Variants in MID1 observed in about 807,000 individuals in gnomAD.
MID1 encodes midline 1.
MID1 carries 7 observed loss-of-function variants against 40.4 expected under a neutral mutation model. The observed-to-expected ratio is 0.17, with a 90% CI of 0.10 to 0.33. The LOEUF (loss-of-function observed/expected upper bound fraction) is 0.33. Among genes scored for constraint, MID1 ranks in the 10% least tolerant of loss-of-function variants. MID1 has a pLI of 1.00. For synonymous variants in MID1, 229 were observed against 221.2 expected (o/e 1.04, Z -0.31); for missense variants, 367 against 558.5 (o/e 0.66, Z 3.46).
rs754279780 is a variant in MID1, at chrX:10,566,940, C to T, written c.608G>A (p.Arg203Gln). Residue 203 changes from arginine (R) to glutamine (Q), a missense_variant, in exon 2 of 10, where the codon CGG (arginine) becomes CAG (glutamine). Physicochemically the swap from Arg to Gln is conservative, Grantham distance 43. This residue lies in a region of MID1 where 275 missense variants were observed against 383.1 expected (regional missense o/e 0.72). Transcript: ENST00000317552. ...LICALCKLVG[R>Q]HRDHQVAALS... ...AGCTGCCACCTGATGATCGCGGTGC[C>T]GCCCAACCAGTTTACACAAGGCACA... 9 of 1,211,707 alleles carry T rather than the reference C, an allele frequency of 7.4e-6. No homozygotes were observed. The Admixed American group carries it at 8.7e-5, about 12-fold the overall frequency.
chrX:10,661,636 T>TA (rs1351751207), intron 1 of MID1, among the ~76,000 whole-genome samples: 1 of 111,602 alleles, frequency 9.0e-6, no homozygotes, highest in South Asian at 3.8e-4. Context: ...TATTTCATAA[T>TA]AAAAAAAGTT....
chrX:10,695,721 C>T (rs2043158965), intron 1 of MID1, among the ~76,000 whole-genome samples: 1 of 111,955 alleles, frequency 8.9e-6, no homozygotes, highest in Non-Finnish European at 1.9e-5. Flanking sequence ...GCAGGAAGAA[C>T]CCATCAGGCA....
upstream of MID1, among the ~76,000 whole-genome samples, chrX:10,623,431 A>C (rs1443831645): frequency 9.0e-6 from 1 of 111,555 alleles, no homozygotes; most frequent in African/African-American, 3.3e-5. Flanking sequence ...ACATGTTTGC[A>C]AATATTAGCT....
intron 3 of MID1, among the ~76,000 whole-genome samples, chrX:10,497,129 A>C (rs1397446599): frequency 8.9e-6 from 1 of 112,216 alleles, no homozygotes; most frequent in East Asian, 2.8e-4. Context: ...TGACATATTT[A>C]CTTGAAACTT....
In MID1 at chrX:10,613,215, T is replaced by C. The variant is rs1306368026; in HGVS notation, c.-57+7075A>G. On this transcript the variant is annotated intron_variant, in intron 1 of 9. Coordinates refer to ENST00000317552, the MANE Select transcript of MID1 (RefSeq NM_000381.4). ...ACTCCAAAACTTGACATAGGACAGATACCACAGTCTACCGCATAGACCCTT... is the reference window on the plus strand; with the variant it reads ...ACTCCAAAACTTGACATAGGACAGACACCACAGTCTACCGCATAGACCCTT... Among the ~76,000 whole-genome samples, 3 of 111,685 alleles carry C rather than the reference T, an allele frequency of 2.7e-5. No individual in the cohort carries two copies. The Admixed American group carries it at 2.9e-4, about 11-fold the overall frequency.
intron 2 of MID1, chrX:10,565,606 C>T (rs1417139242): frequency 3.5e-6 from 1 of 282,438 alleles, no homozygotes; most frequent in African/African-American, 2.8e-5. Flanking sequence ...TATATATTTA[C>T]TTAGAGCTTT....
At chrX:10,572,106 T>A (rs1602421688) in intron 1 of MID1, among the ~76,000 whole-genome samples, 1 of 82,168 alleles carries the variant, frequency 1.2e-5, no homozygotes, top group Admixed American at 1.2e-4. Flanking sequence ...TTCTTTTCAC[T>A]CTCTCTCTCT....
At chrX:10,725,646 G>A (rs141913438) in intron 1 of MID1, among the ~76,000 whole-genome samples, 1,163 of 111,652 alleles carry the variant, frequency 0.01, 22 homozygotes, top group African/African-American at 0.036. Context: ...ATCACTTGAG[G>A]TTAGGAGTTT....
intron 6 of MID1, 118 bp downstream of exon 6, chrX:10,474,505 A>C: frequency 1.4e-6 from 1 of 720,391 alleles, no homozygotes; most frequent in Admixed American, 2.5e-5. Flanking sequence ...TGGAAATATC[A>C]GTGCCATTCC....
rs186917821 is a variant in MID1 at position 10,736,829 on chromosome X, T to C, written c.-187+96725A>G. Among the ~76,000 whole-genome samples the C allele has an allele frequency of 3.6e-5, 4 of 112,292 alleles. No individual in the cohort carries two copies. In the East Asian group the frequency reaches 1.1e-3, roughly 31 times the overall value. On this transcript the variant is annotated intron_variant, in intron 1 of 10. Coordinates refer to the MID1 transcript ENST00000380785. ...CAGTATCTTTAAATAAAATCAGAAA[T>C]GCTCAAATTCCTCATTTTTTATCCC...
chrX:10,603,446 C>T (rs1490007850), intron 1 of MID1, among the ~76,000 whole-genome samples: 3 of 112,165 alleles, frequency 2.7e-5, no homozygotes, highest in Non-Finnish European at 5.6e-5. Context: ...ATTAAGGTCA[C>T]TGTGTATTAG....
chrX:10,799,752 C>G (rs2043993087), intron 1 of MID1, among the ~76,000 whole-genome samples: 1 of 112,047 alleles, frequency 8.9e-6, no homozygotes. Flanking sequence ...GGGAGACCAA[C>G]AGGTACTTTT....
intron 1 of MID1, among the ~76,000 whole-genome samples, chrX:10,827,373 T>C (rs751165274): frequency 1.8e-5 from 2 of 109,979 alleles, no homozygotes; most frequent in African/African-American, 6.6e-5. Context: ...CCTTGCCTGT[T>C]AGGAGAAGAG....
intron 1 of MID1, among the ~76,000 whole-genome samples, chrX:10,715,386 C>G (rs768168910): frequency 8.9e-6 from 1 of 112,372 alleles, no homozygotes; most frequent in African/African-American, 3.2e-5. Flanking sequence ...AAACGGCACA[C>G]CAGGAGATTA....
In MID1 at chrX:10,566,602, T is replaced by C. The variant is rs144759466; in HGVS notation, c.660+286A>G. Among the ~76,000 whole-genome samples the C allele has an allele frequency of 6.4e-3, 690 of 107,083 alleles. 6 individuals carry two copies. The highest frequency in any genetic ancestry group is 0.023 in the African/African-American group (665 of 28,680). The allele number at this position is 107,083 out of a possible 115,157, so 93.0% of individuals were successfully genotyped here. The stretch of plus-strand genomic sequence containing the variant: ...GAGGCAGCACTCTCTTTGGAAGAAC[T>C]GTAAGGATTGAAAATGATCCAGAAA... On this transcript the variant is annotated intron_variant, in intron 2 of 9. Coordinates refer to ENST00000317552, the MANE Select transcript of MID1 (RefSeq NM_000381.4).
intron 2 of MID1, among the ~76,000 whole-genome samples, chrX:10,559,819 T>C (rs1290611422): frequency 9.0e-6 from 1 of 111,145 alleles, no homozygotes; most frequent in Non-Finnish European, 1.9e-5. Flanking sequence ...ATTACCTTAA[T>C]TAATTAAACA....
At chrX:10,822,941 A>T (rs1404610112) in intron 1 of MID1, among the ~76,000 whole-genome samples, 1 of 111,931 alleles carries the variant, frequency 8.9e-6, no homozygotes, top group Non-Finnish European at 1.9e-5. Context: ...AGAGGCAGAA[A>T]TACCATTTGA....
chrX:10,676,186 AAGATCCG>A (rs1265127959), intron 1 of MID1, among the ~76,000 whole-genome samples: 1 of 112,559 alleles, frequency 8.9e-6, no homozygotes, highest in African/African-American at 3.2e-5. Context: ...AAATGCTTTA[AAGATCCG>A]AGTATCTGAT....
intron 1 of MID1, among the ~76,000 whole-genome samples, chrX:10,730,825 C>G (rs935888458): frequency 9.0e-6 from 1 of 110,924 alleles, no homozygotes; most frequent in African/African-American, 3.3e-5. Context: ...CCGCCCACGT[C>G]GGCCTCCCAA....
Sources: allele counts gnomAD v4.1 joint callset (sites outside exome capture counted in the v4.1 genomes callset), GRCh38; gene constraint gnomAD v4.1.1; regional missense constraint gnomAD v4.1.1; transcripts MANE v1.5; gene names NCBI Gene and HGNC (gene_info 2026-07-23, HGNC 2026-07-21).